MFSD6: variants seen among roughly 807,000 people sequenced by gnomAD.
MFSD6 encodes the protein major facilitator superfamily domain-containing protein 6.
In MFSD6, 26 loss-of-function variants were observed where a neutral mutation model predicts 56.3. The observed-to-expected ratio is 0.46, with a 90% CI of 0.34 to 0.64. The LOEUF is 0.64. MFSD6 is among the 30% of genes least tolerant of loss of function. The probability of loss-of-function intolerance (pLI) is 0.01; values close to 1 mark genes in which losing one functional copy is unlikely to be tolerated. For synonymous variants in MFSD6, 331 were observed against 366.9 expected, an observed-to-expected ratio of 0.90 and a Z score of 1.12; for missense variants, 750 against 986.2, an observed-to-expected ratio of 0.76 and a Z score of 3.21.
Position 190,461,200 on chromosome 2 carries a change from C to A in MFSD6, c.1533-8558C>A, listed in dbSNP as rs559291433. ...ACAGTGATCCCTTCAGGTTGAGAAC[C>A]ATGGGTCAGACATCACACATCATTT... On this transcript the variant is annotated intron_variant, in intron 3 of 7. Coordinates refer to ENST00000392328, the MANE Select transcript of MFSD6 (RefSeq NM_017694.4). The surrounding 1 kb of genome is among the most constrained non-coding windows in gnomAD (Gnocchi z 5.5). Among the ~76,000 whole-genome samples the A allele has an allele frequency of 6.6e-5, 10 of 152,326 alleles. No individual in the cohort carries two copies. In the South Asian group the frequency reaches 2.1e-3, roughly 32 times the overall value.
At chr2:190,445,000 C>A (rs1686520235) in intron 3 of MFSD6, 1 of 275,552 alleles carries the variant, frequency 3.6e-6, no homozygotes, top group African/African-American at 2.3e-5. Flanking sequence ...TATTTTACAG[C>A]CCACCTGAGG....
chr2:190,451,346 A>G lies in MFSD6; in HGVS notation c.1532+13785A>G, dbSNP rs1019173713. On this transcript the variant is annotated intron_variant, in intron 3 of 7. Coordinates refer to ENST00000392328, the MANE Select transcript of MFSD6 (RefSeq NM_017694.4). The surrounding 1 kb of genome is among the most constrained non-coding windows in gnomAD (Gnocchi z 5.0). ...ATGAGATAATGCTAGCAAGCACATA[A>G]TAAGTCCTCAACTATGAACAGTAGG... Among the ~76,000 whole-genome samples the G allele has an allele frequency of 1.3e-5, 2 of 152,242 alleles. No individual in the cohort carries two copies. The highest frequency in any genetic ancestry group is 2.9e-5 in the Non-Finnish European group (2 of 68,042).
chr2:190,474,710 A>G (rs935619006), intron 4 of MFSD6, among the ~76,000 whole-genome samples: 21 of 152,372 alleles, frequency 1.4e-4, no homozygotes, highest in Middle Eastern at 3.4e-3. Context: ...TCCCTAACTC[A>G]TTTTATGAGG....
rs1689242799 is a variant in MFSD6 at position 190,490,021 on chromosome 2, G to A, written c.1891+155G>A. Among the ~76,000 whole-genome samples, 1 of 152,112 alleles carries A rather than the reference G, an allele frequency of 6.6e-6. No homozygotes were observed. Among genetic ancestry groups the A allele is most frequent in the Non-Finnish European group, 1.5e-5 (1 of 68,032 alleles). On this transcript the variant is annotated intron_variant, in intron 6 of 7. Coordinates refer to ENST00000392328, the MANE Select transcript of MFSD6 (RefSeq NM_017694.4). This position sits in a 1 kb window ranked among gnomAD's most constrained non-coding sequence, Gnocchi z 4.5. ...TATCGATGAATTCATGTGGACTATT[G>A]TTAAAGAGATCCACCTACTATGCAG...
chr2:190,481,028 C>T (rs919970800), intron 4 of MFSD6, among the ~76,000 whole-genome samples: 10 of 152,154 alleles, frequency 6.6e-5, no homozygotes, highest in African/African-American at 2.4e-4. Flanking sequence ...CTAGTCAGTG[C>T]ACACTATTAA....
intron 4 of MFSD6, among the ~76,000 whole-genome samples, chr2:190,472,292 C>A (rs1307820152): frequency 6.6e-6 from 1 of 152,130 alleles, no homozygotes; most frequent in Non-Finnish European, 1.5e-5. Context: ...CTACTCCGAG[C>A]TAAAGGAAGA....
chr2:190,488,521 A>C lies in MFSD6; in HGVS notation c.1631-136A>C. ...TGAACCGTACATTTAAAAATGTGAA[A>C]ATGGTAAATTTTTAATGTATGTTTT... On this transcript the variant is annotated intron_variant, in intron 4 of 7. Coordinates refer to ENST00000392328, the MANE Select transcript of MFSD6 (RefSeq NM_017694.4). This position sits in a 1 kb window ranked among gnomAD's most constrained non-coding sequence, Gnocchi z 6.4. 1.2e-6 allele frequency: 1 copy of C among 829,532 alleles called. No individual in the cohort carries two copies. The highest frequency in any genetic ancestry group is 1.7e-6 in the Non-Finnish European group (1 of 576,644). 51.4% of individuals were successfully genotyped at this position (829,532 alleles called of 1,614,324 possible).
chr2:190,407,586 A>G (rs994558539), upstream of MFSD6, among the ~76,000 whole-genome samples: 31 of 152,170 alleles, frequency 2.0e-4, no homozygotes, highest in Admixed American at 6.5e-5. This position sits in a 1 kb window ranked among gnomAD's most constrained non-coding sequence, Gnocchi z 5.4. Context: ...ACACAGACAT[A>G]CTTGCCAAGT....
chr2:190,446,011 CT>C (rs1686570070), intron 3 of MFSD6, among the ~76,000 whole-genome samples: 1 of 152,124 alleles, frequency 6.6e-6, no homozygotes, highest in African/African-American at 2.4e-5. Flanking sequence ...ATCCTGCCTC[CT>C]CCTTGATCAA....
In MFSD6 at chr2:190,497,885, G is replaced by T; in HGVS notation, c.2172+166G>T. 1.3e-6 allele frequency: 1 copy of T among 770,696 alleles called. No homozygotes were observed. Among genetic ancestry groups the T allele is most frequent in the South Asian group, 1.9e-5 (1 of 52,588 alleles). 47.7% of individuals were successfully genotyped at this position (770,696 alleles called of 1,614,324 possible). On this transcript the variant is annotated intron_variant, in intron 7 of 7. Coordinates refer to ENST00000392328, the MANE Select transcript of MFSD6 (RefSeq NM_017694.4). The surrounding 1 kb of genome is among the most constrained non-coding windows in gnomAD (Gnocchi z 5.2). ...ACTCTGTGAGCACTGAGTTAAAGAG[G>T]GTGTATACAAGGTCCCATAGAGAGA...
At position 190,499,820 on chromosome 2, in the gene MFSD6, C is replaced by A; in HGVS notation, c.2173-195C>A. 1.3e-6 allele frequency: 2 copies of A among 1,533,964 alleles called. No homozygotes were observed. The highest frequency in any genetic ancestry group is 1.8e-6 in the Non-Finnish European group (2 of 1,136,618). ...GCTTATAGTGTTTGTGTTTTTCATG[C>A]GGCTCTGGCAGTTGCACATAGGAAA... On this transcript the variant is annotated intron_variant, in intron 7 of 7. Transcript: ENST00000392328. This position sits in a 1 kb window ranked among gnomAD's most constrained non-coding sequence, Gnocchi z 6.0.
intron 4 of MFSD6, among the ~76,000 whole-genome samples, chr2:190,486,985 T>C (rs150143806): frequency 3.2e-4 from 49 of 152,318 alleles, no homozygotes; most frequent in African/African-American, 1.2e-3. Flanking sequence ...CCATAAATGG[T>C]GAAGATATAA....
At position 190,434,847 on chromosome 2, in the gene MFSD6, C is replaced by T. The variant is rs1037963268; in HGVS notation, c.-53-1130C>T. 4.6e-5 allele frequency among the ~76,000 whole-genome samples: 7 copies of T among 152,198 alleles called. No individual in the cohort carries two copies. Among genetic ancestry groups the T allele is most frequent in the Admixed American group, 6.5e-5 (1 of 15,274 alleles). On this transcript the variant is annotated intron_variant, in intron 2 of 7. Coordinates refer to ENST00000392328, the MANE Select transcript of MFSD6 (RefSeq NM_017694.4). This position sits in a 1 kb window ranked among gnomAD's most constrained non-coding sequence, Gnocchi z 4.3. ...CCCTGGACCATGGACCGCTACCACT[C>T]TGTGGCCTGTTAGGAATTGGGCTGC...
intron 1 of MFSD6, chr2:190,411,878 A>C: frequency 1.0e-6 from 1 of 985,398 alleles, no homozygotes; most frequent in Non-Finnish European, 1.2e-6. Flanking sequence ...AGGGGTGATA[A>C]GAATTTCTTT....
chr2:190,448,496 T>G (rs1686662898), intron 3 of MFSD6, among the ~76,000 whole-genome samples: 1 of 152,158 alleles, frequency 6.6e-6, no homozygotes, highest in African/African-American at 2.4e-5. Context: ...AGAAATAGAC[T>G]AGATCAATAT....
At chr2:190,486,889 T>G (rs1689041365) in intron 4 of MFSD6, among the ~76,000 whole-genome samples, 1 of 152,332 alleles carries the variant, frequency 6.6e-6, no homozygotes, top group South Asian at 2.1e-4. Context: ...AGTGTCTTAA[T>G]GAAGGTTTTA....
rs1313494520 is a variant in MFSD6, at chr2:190,437,637, C to T, written c.1532+76C>T. 3.4e-6 allele frequency: 5 copies of T among 1,477,312 alleles called. No individual in the cohort carries two copies. Among genetic ancestry groups the T allele is most frequent in the Admixed American group, 4.2e-5 (2 of 47,424 alleles). The allele number at this position is 1,477,312 out of a possible 1,614,324, so 91.5% of individuals were successfully genotyped here. On this transcript the variant is annotated intron_variant, in intron 3 of 7. Transcript: ENST00000392328. The surrounding 1 kb of genome is among the most constrained non-coding windows in gnomAD (Gnocchi z 5.9). ...TTATGGTTTATAGCTCCTTCTACTACAATTTTAAGGTATTATAATTTGTGT... is the reference window on the plus strand; with the variant it reads ...TTATGGTTTATAGCTCCTTCTACTATAATTTTAAGGTATTATAATTTGTGT...
At position 190,431,071 on chromosome 2, in the gene MFSD6, C is replaced by T. The variant is rs1433893427; in HGVS notation, c.-53-4906C>T. Among the ~76,000 whole-genome samples, 3 of 107,594 alleles carry T rather than the reference C, an allele frequency of 2.8e-5. No individual in the cohort carries two copies. The highest frequency in any genetic ancestry group is 1.8e-4 in the Admixed American group (2 of 10,854). The allele number at this position is 107,594 out of a possible 152,430, so 70.6% of individuals were successfully genotyped here. A position where few individuals can be genotyped will look rare whatever the true frequency, so the allele number is the denominator to read the frequency against. On this transcript the variant is annotated intron_variant, in intron 2 of 7. Transcript: ENST00000392328. The surrounding 1 kb of genome is among the most constrained non-coding windows in gnomAD (Gnocchi z 4.4). ...GCGCTCCTCACCTCCCAGACGGGGTCGCAGCCGGGCAGAGGCGCTCCTCAC... is the reference window on the plus strand; with the variant it reads ...GCGCTCCTCACCTCCCAGACGGGGTTGCAGCCGGGCAGAGGCGCTCCTCAC...
In MFSD6 at chr2:190,426,893, G is replaced by A. The variant is rs1015874755; in HGVS notation, c.-53-9084G>A. Among the ~76,000 whole-genome samples the A allele has an allele frequency of 1.3e-5, 2 of 152,198 alleles. No individual in the cohort carries two copies. Among genetic ancestry groups the A allele is most frequent in the African/African-American group, 4.8e-5 (2 of 41,438 alleles). ...TCTGAAACTGCTCTGGCAAGAGAAG[G>A]GAGGATGCTGCTTTATTACTGCCAG... On this transcript the variant is annotated intron_variant, in intron 2 of 7. Transcript: ENST00000392328. This position sits in a 1 kb window ranked among gnomAD's most constrained non-coding sequence, Gnocchi z 4.7.
Sources: gnomAD v4.1 joint callset for allele counts (sites outside exome capture counted in the v4.1 genomes callset) on GRCh38, gnomAD v4.1.1 for gene constraint, Gnocchi (gnomAD v3.1) non-coding constraint, MANE v1.5 for transcripts, NCBI Gene and HGNC (gene_info 2026-07-23, HGNC 2026-07-21) for gene names.